C8orf76: variants seen among roughly 807,000 people sequenced by gnomAD.
C8orf76 encodes the protein chromosome 8 open reading frame 76, also known as uncharacterized protein C8orf76.
In C8orf76, 46 loss-of-function variants were observed where a neutral mutation model predicts 38.1. The ratio of observed to expected loss-of-function variants is 1.21; its 90% confidence interval spans 0.95 to 1.54. The LOEUF (loss-of-function observed/expected upper bound fraction) is 1.54, where lower values mean the gene tolerates loss of function less well. Ranked by LOEUF, C8orf76 falls within the 40% of genes most tolerant of loss-of-function variation. The pLI is 0.00. For synonymous variants in C8orf76, 166 were observed against 167.5 expected, an observed-to-expected ratio of 0.99 and a Z score of 0.07; for missense variants, 461 against 441.6, an observed-to-expected ratio of 1.04 and a Z score of -0.39.
chr8:123,233,202 A>G (rs968617970), intron 3 of C8orf76, among the ~76,000 whole-genome samples: 3 of 151,408 alleles, frequency 2.0e-5, no homozygotes, highest in African/African-American at 7.3e-5. Flanking sequence ...TGCATAAAGT[A>G]AAGACAGGGT....
chr8:123,234,252 GT>G (rs1554633931), intron 3 of C8orf76, among the ~76,000 whole-genome samples: 3 of 152,136 alleles, frequency 2.0e-5, no homozygotes, highest in Non-Finnish European at 4.4e-5. Flanking sequence ...TCACAGAGAG[GT>G]TAGATAACTT....
At chr8:123,236,902 C>T in intron 3 of C8orf76, 3 of 1,093,314 alleles carry the variant, frequency 2.7e-6, no homozygotes, top group Non-Finnish European at 4.2e-6. Context: ...CCCTTGAGAT[C>T]GAGCCCAGCA....
At position 123,241,366 on chromosome 8, in the gene C8orf76, C is replaced by A. The variant is rs991377827; in HGVS notation, c.-20G>T. On this transcript the variant is annotated 5_prime_UTR_variant, in exon 1 of 6. Coordinates refer to ENST00000276704, the MANE Select transcript of C8orf76 (RefSeq NM_032847.3). ...ATCCATCTCGCGCCCGCGGCGGGGG[C>A]AACGAGGAAGCGGGGCCCGCCGGAA... is the stretch of plus-strand genomic sequence containing the variant. 1.9e-6 allele frequency: 3 copies of A among 1,541,890 alleles called. No homozygotes were observed. The highest frequency in any genetic ancestry group is 2.6e-6 in the Non-Finnish European group (3 of 1,153,936).
chr8:123,226,265 G>A, intron 5 of C8orf76: 2 of 1,361,454 alleles, frequency 1.5e-6, no homozygotes, highest in Non-Finnish European at 1.9e-6. Context: ...AGGCAGGCAG[G>A]TGCTAACAAG....
intron 2 of C8orf76, 74 bp from the exon 3 acceptor site, chr8:123,238,015 AT>A (rs558940317): frequency 3.5e-4 from 529 of 1,504,918 alleles, no homozygotes; most frequent in Non-Finnish European, 3.4e-4. Flanking sequence ...AATAGGGGTG[AT>A]TTTTTTTCCT....
At chr8:123,221,808 C>T (rs1014515240) in intron 5 of C8orf76, among the ~76,000 whole-genome samples, 2 of 151,928 alleles carry the variant, frequency 1.3e-5, no homozygotes, top group South Asian at 2.1e-4. Flanking sequence ...ACTTGGGAGG[C>T]GGAGGTGGGA....
chr8:123,230,817 T>G (rs2131146372), intron 4 of C8orf76, among the ~76,000 whole-genome samples: 1 of 152,260 alleles, frequency 6.6e-6, no homozygotes, highest in East Asian at 1.9e-4. Context: ...GCCCAGCTAA[T>G]TTTTTGTATT....
chr8:123,222,663 G>A (rs539387631), intron 5 of C8orf76, among the ~76,000 whole-genome samples: 128 of 152,218 alleles, frequency 8.4e-4, no homozygotes, highest in African/African-American at 3.0e-3. Flanking sequence ...AGCAAGACTA[G>A]GCATTTGACA....
Position 123,231,372 on chromosome 8 carries a change from C to T in C8orf76, c.743G>A (p.Cys248Tyr), listed in dbSNP as rs1269603717. ...NEKALTNIQN[C>Y]MAEKRETVLI... ...CACTGTTTCTCTCTTTTCTGCCATA[C>T]AGTTTTGGATATTTGTCAGAGCTTT... Residue 248 changes from cysteine (C) to tyrosine (Y), a missense_variant, in exon 4 of 6, where the codon TGT becomes TAT. Cys to Tyr is a radical substitution (Grantham distance 194). Transcript: ENST00000276704. 5.6e-6 allele frequency: 9 copies of T among 1,614,032 alleles called. No individual in the cohort carries two copies. Among genetic ancestry groups the T allele is most frequent in the Middle Eastern group, 3.3e-4 (2 of 6,084 alleles).
At chr8:123,229,726 T>G (rs1825174832) in intron 4 of C8orf76, among the ~76,000 whole-genome samples, 1 of 152,118 alleles carries the variant, frequency 6.6e-6, no homozygotes, top group Non-Finnish European at 1.5e-5. Flanking sequence ...ATTTTAAAAT[T>G]TGCCAAATAG....
intron 3 of C8orf76, 75 bp downstream of exon 3, chr8:123,237,718 GTTTGT>G (rs1215994997): frequency 1.3e-5 from 20 of 1,483,970 alleles, no homozygotes; most frequent in East Asian, 4.8e-5. Context: ...CTAGCAAGAA[GTTTGT>G]TTTGTTTTCA....
At chr8:123,241,046 C>G (rs1439817254) in intron 1 of C8orf76, among the ~76,000 whole-genome samples, 184 bp downstream of exon 1, 1 of 152,184 alleles carries the variant, frequency 6.6e-6, no homozygotes, top group Non-Finnish European at 1.5e-5. Context: ...CGCCCATGGA[C>G]CCGGAATGGG....
At chr8:123,222,571 G>A (rs1824918663) in intron 5 of C8orf76, among the ~76,000 whole-genome samples, 1 of 151,964 alleles carries the variant, frequency 6.6e-6, no homozygotes, top group Admixed American at 6.6e-5. Flanking sequence ...AGAAAATATA[G>A]TAACTATAGA....
Position 123,233,618 on chromosome 8 carries a change from A to G in C8orf76, c.358-1861T>C, listed in dbSNP as rs1586807878. Among the ~76,000 whole-genome samples the G allele has an allele frequency of 2.0e-5, 3 of 150,450 alleles. 1 individual carries two copies. The South Asian group carries it at 6.3e-4, about 32-fold the overall frequency. On this transcript the variant is annotated intron_variant, in intron 3 of 5. Coordinates refer to ENST00000276704, the MANE Select transcript of C8orf76 (RefSeq NM_032847.3). ...ACCATGTTGGCCAGGCTGGTCTTGAACTCCTGACCTTCGCCCACCTCGGCC... is the reference window on the plus strand; with the variant it reads ...ACCATGTTGGCCAGGCTGGTCTTGAGCTCCTGACCTTCGCCCACCTCGGCC...
intron 4 of C8orf76, among the ~76,000 whole-genome samples, chr8:123,230,741 C>G (rs1346620237): frequency 2.0e-5 from 3 of 152,112 alleles, no homozygotes; most frequent in East Asian, 3.8e-4. Context: ...ACCTCCGCCT[C>G]CCGGGTTCAG....
intron 3 of C8orf76, chr8:123,236,901 TCG>T (rs1563801968): frequency 1.9e-6 from 2 of 1,079,650 alleles, no homozygotes; most frequent in African/African-American, 3.1e-5. Flanking sequence ...ACCCTTGAGA[TCG>T]AGCCCAGCAA....
chr8:123,220,018 C>A lies in C8orf76; in HGVS notation c.*85G>T. The stretch of plus-strand genomic sequence containing the variant: ...AAAACATAAATAATCATTTATACTC[C>A]ATGATTAGCAATGGATCCTGTCTGA... On this transcript the variant is annotated 3_prime_UTR_variant, in exon 6 of 6. Coordinates refer to ENST00000276704, the MANE Select transcript of C8orf76 (RefSeq NM_032847.3). 2.7e-6 allele frequency: 2 copies of A among 743,206 alleles called. No individual in the cohort carries two copies. Among genetic ancestry groups the A allele is most frequent in the South Asian group, 2.3e-5 (1 of 43,844 alleles). 46.0% of individuals were successfully genotyped at this position (743,206 alleles called of 1,614,324 possible). A position where few individuals can be genotyped will look rare whatever the true frequency, so the allele number is the denominator to read the frequency against.
chr8:123,226,643 GAA>G lies in C8orf76; in HGVS notation c.816-13_816-12del. ...AACTGAAGCAGAAGCCTGAAAAACC[GAA>G]AAGTCTCAATGCGTGGCGAAAAGTC... On this transcript the variant is annotated splice_polypyrimidine_tract_variant and intron_variant, in intron 4 of 5. Coordinates refer to ENST00000276704, the MANE Select transcript of C8orf76 (RefSeq NM_032847.3). The G allele has an allele frequency of 1.3e-6, 2 of 1,587,210 alleles. No individual in the cohort carries two copies. The highest frequency in any genetic ancestry group is 1.2e-5 in the South Asian group (1 of 86,336).
intron 5 of C8orf76, 188 bp downstream of exon 5, chr8:123,226,312 C>T (rs933248860): frequency 2.8e-6 from 4 of 1,433,536 alleles, no homozygotes; most frequent in Non-Finnish European, 3.6e-6. Context: ...CCTGCGGTCC[C>T]GCACGCTGCA....
Sources: allele counts gnomAD v4.1 joint callset (sites outside exome capture counted in the v4.1 genomes callset), GRCh38; gene constraint gnomAD v4.1.1; transcripts MANE v1.5; gene names NCBI Gene and HGNC (gene_info 2026-07-23, HGNC 2026-07-21).